Variants in ADGRL2 observed in about 807,000 individuals in gnomAD.
ADGRL2 encodes calcium-independent alpha-latrotoxin receptor 2.
In ADGRL2, 44 loss-of-function variants were observed where a neutral mutation model predicts 157.4. The observed-to-expected ratio is 0.28, with a 90% CI of 0.22 to 0.36. The LOEUF (loss-of-function observed/expected upper bound fraction) is 0.36. Among genes scored for constraint, ADGRL2 ranks in the 10% least tolerant of loss-of-function variants. ADGRL2 has a pLI of 1.00. For synonymous variants in ADGRL2, 585 were observed against 624.7 expected (o/e 0.94, Z 0.95); for missense variants, 1,510 against 1,768.9 (o/e 0.85, Z 2.63).
intron 1 of ADGRL2, among the ~76,000 whole-genome samples, chr1:81,371,829 A>G (rs978784076): frequency 6.6e-6 from 1 of 152,240 alleles, no homozygotes; most frequent in African/African-American, 2.4e-5. Flanking sequence ...TATTGAACAA[A>G]TCATGTCGAG....
chr1:81,539,958 T>C (rs2079842620), intron 2 of ADGRL2, among the ~76,000 whole-genome samples: 1 of 152,170 alleles, frequency 6.6e-6, no homozygotes, highest in African/African-American at 2.4e-5. Flanking sequence ...ACTCTAAGAA[T>C]CTAGAGAATC....
rs1453398364 is a variant in ADGRL2, at chr1:81,951,834, T to C, written c.1609-123T>C. The C allele has an allele frequency of 2.2e-5, 13 of 587,562 alleles. No individual in the cohort carries two copies. The East Asian group carries it at 3.9e-4, about 18-fold the overall frequency. The allele number at this position is 587,562 out of a possible 1,614,324, so 36.4% of individuals were successfully genotyped here. The stretch of plus-strand genomic sequence containing the variant: ...TAAGACGAAGGGAAAGTCATCAGTC[T>C]CAATTAGTTGGAGAATTTAACATTC... On this transcript the variant is annotated intron_variant, in intron 8 of 23. Transcript: ENST00000686636.
At chr1:81,970,859 G>A (rs1658522049) in intron 16 of ADGRL2, among the ~76,000 whole-genome samples, 1 of 152,108 alleles carries the variant, frequency 6.6e-6, no homozygotes, top group African/African-American at 2.4e-5. Context: ...CTTCTGACAG[G>A]TTTAACTACT....
At chr1:81,632,947 G>T (rs1328578333) in intron 3 of ADGRL2, among the ~76,000 whole-genome samples, 3 of 152,138 alleles carry the variant, frequency 2.0e-5, no homozygotes, top group Admixed American at 6.5e-5. Flanking sequence ...GGCTATAATA[G>T]ATTTTTTTAT....
At chr1:81,835,217 A>G (rs185618701) in intron 1 of ADGRL2, among the ~76,000 whole-genome samples, 2 of 152,274 alleles carry the variant, frequency 1.3e-5, no homozygotes, top group African/African-American at 4.8e-5. Flanking sequence ...AAACTTGGAC[A>G]GTAAAAATTC....
chr1:81,900,120 G>A (rs993919593), intron 2 of ADGRL2, among the ~76,000 whole-genome samples: 1 of 151,960 alleles, frequency 6.6e-6, no homozygotes, highest in African/African-American at 2.4e-5. Flanking sequence ...TGATAATAAT[G>A]TTACCTATCT....
intron 1 of ADGRL2, among the ~76,000 whole-genome samples, chr1:81,832,530 C>T (rs2092017873): frequency 1.3e-5 from 2 of 152,296 alleles, no homozygotes; most frequent in South Asian, 2.1e-4. Flanking sequence ...TGAGTGTCTA[C>T]TATGTCTGCG....
chr1:81,822,028 C>T (rs369236398), intron 1 of ADGRL2, among the ~76,000 whole-genome samples: 35 of 125,164 alleles, frequency 2.8e-4, no homozygotes, highest in African/African-American at 3.4e-4. Flanking sequence ...ATATCAGAAA[C>T]TTTTTTTTTT....
chr1:81,583,667 T>C (rs971691693), intron 3 of ADGRL2, among the ~76,000 whole-genome samples: 3 of 152,140 alleles, frequency 2.0e-5, no homozygotes, highest in Non-Finnish European at 4.4e-5. Flanking sequence ...TTACATATGT[T>C]GTGTCAGAAT....
At chr1:81,757,558 C>T (rs2085733703) in intron 1 of ADGRL2, among the ~76,000 whole-genome samples, 1 of 152,148 alleles carries the variant, frequency 6.6e-6, no homozygotes, top group Admixed American at 6.5e-5. Context: ...TGTTTCTGTA[C>T]CTCACTGCCA....
At chr1:81,566,544 C>A (rs1001313939) in intron 2 of ADGRL2, among the ~76,000 whole-genome samples, 1 of 152,136 alleles carries the variant, frequency 6.6e-6, no homozygotes, top group Non-Finnish European at 1.5e-5. Context: ...CCCCACTTTA[C>A]ATGGAACTCT....
At chr1:81,835,539 C>G (rs2092231832) in intron 1 of ADGRL2, among the ~76,000 whole-genome samples, 1 of 152,118 alleles carries the variant, frequency 6.6e-6, no homozygotes, top group Admixed American at 6.6e-5. Context: ...ATGTACAGAG[C>G]CAGCCAGCTA....
At chr1:81,514,161 A>C in intron 2 of ADGRL2, 1 of 124,606 alleles carries the variant, frequency 8.0e-6, no homozygotes, top group South Asian at 2.8e-4. Flanking sequence ...TAGGTTGGGG[A>C]GATTTGTCTG....
chr1:81,950,335 G>A lies in ADGRL2; in HGVS notation c.1357G>A (p.Ala453Thr). The A allele has an allele frequency of 1.9e-6, 3 of 1,614,040 alleles. No individual in the cohort carries two copies. The highest frequency in any genetic ancestry group is 2.2e-5 in the South Asian group (2 of 91,080). The change falls in exon 7 of 24, where the codon GCA (alanine) becomes ACA (threonine). Residue 453 changes from alanine to threonine, a missense_variant. Physicochemically the swap from Ala to Thr is moderately conservative, Grantham distance 58. This residue lies in a region of ADGRL2 where 325 missense variants were observed against 333.2 expected (regional missense o/e 0.98). Coordinates refer to ENST00000686636, the MANE Select transcript of ADGRL2 (RefSeq NM_001366006.2). ...EGSKGTKPPP[A>T]VSTTKIPPIT... ...AAGCAAAGGGACAAAACCACCTCCA[G>A]CAGTTTCTACAACCAAAATTCCACC... is the stretch of plus-strand genomic sequence containing the variant.
intron 1 of ADGRL2, among the ~76,000 whole-genome samples, chr1:81,806,793 T>C (rs1363623066): frequency 6.6e-6 from 1 of 152,010 alleles, no homozygotes; most frequent in Non-Finnish European, 1.5e-5. Flanking sequence ...TTTAAGAACA[T>C]AGATTAAGGG....
In ADGRL2 at chr1:81,677,824, C is replaced by T. The variant is rs17106903; in HGVS notation, c.-142-83987C>T. 6.0e-3 allele frequency among the ~76,000 whole-genome samples: 906 copies of T among 152,210 alleles called. 12 individuals carry two copies. The highest frequency in any genetic ancestry group is 0.021 in the African/African-American group (886 of 41,524). On this transcript the variant is annotated intron_variant, in intron 3 of 24. Coordinates refer to the ADGRL2 transcript ENST00000370721. ...ATCCTTCTGTTTAAAACTTTCGATG[C>T]CTTCCTGATGACCATAAAACAGAAT... is the stretch of plus-strand genomic sequence containing the variant.
At chr1:81,840,845 G>A (rs2092547118) in intron 2 of ADGRL2, among the ~76,000 whole-genome samples, 1 of 152,050 alleles carries the variant, frequency 6.6e-6, no homozygotes. Flanking sequence ...TATTTCTAGA[G>A]AACTAATCTC....
chr1:81,741,306 C>G (rs771512390), intron 1 of ADGRL2, among the ~76,000 whole-genome samples: 1 of 151,802 alleles, frequency 6.6e-6, no homozygotes, highest in Non-Finnish European at 1.5e-5. Context: ...TTAGAGTCAT[C>G]TTATTTTTAG....
intron 1 of ADGRL2, among the ~76,000 whole-genome samples, chr1:81,706,274 G>T (rs1296420486): frequency 6.6e-6 from 1 of 151,886 alleles, no homozygotes; most frequent in African/African-American, 2.4e-5. Context: ...GATATAAATG[G>T]TCAAGAAACC....
Sources: gnomAD v4.1 joint callset for allele counts (sites outside exome capture counted in the v4.1 genomes callset) on GRCh38, gnomAD v4.1.1 for gene constraint, gnomAD v4.1.1 regional missense constraint, MANE v1.5 for transcripts, NCBI Gene and HGNC (gene_info 2026-07-23, HGNC 2026-07-21) for gene names.